PRKN: variants seen among roughly 807,000 people sequenced by gnomAD.
PRKN encodes the protein parkin RBR E3 ubiquitin protein ligase.
In PRKN, 56 loss-of-function variants were observed where a neutral mutation model predicts 59.5. That is an observed-to-expected ratio of 0.94 (90% CI 0.76 to 1.18). PRKN has a LOEUF of 1.18. Ranked by LOEUF, PRKN falls within the 50% of genes most tolerant of loss-of-function variation. The pLI is 0.00. For missense variants in PRKN, 657 were observed against 596.4 expected (o/e 1.10, Z -1.06); for synonymous variants, 250 against 222.1 (o/e 1.13, Z -1.12).
At position 161,551,641 on chromosome 6, in the gene PRKN, T is replaced by C. The variant is rs1780022990; in HGVS notation, c.934-2638A>G. ...GTGGAGTCATGGAGCCAAAAGCCTT[T>C]GGAGTGGAGTCCAGAAAGACTCGGA... On this transcript the variant is annotated intron_variant, in intron 8 of 11. Transcript: ENST00000366898. This position sits in a 1 kb window ranked among gnomAD's most constrained non-coding sequence, Gnocchi z 5.2. Among the ~76,000 whole-genome samples, 1 of 152,122 alleles carries C rather than the reference T, an allele frequency of 6.6e-6. No homozygotes were observed. Among genetic ancestry groups the C allele is most frequent in the African/African-American group, 2.4e-5 (1 of 41,418 alleles).
At chr6:161,590,572 A>G (rs1028573880) in intron 7 of PRKN, among the ~76,000 whole-genome samples, 1 of 152,084 alleles carries the variant, frequency 6.6e-6, no homozygotes, top group Non-Finnish European at 1.5e-5. Context: ...ATCTTTACTA[A>G]AAATACAAAA....
intron 7 of PRKN, among the ~76,000 whole-genome samples, chr6:161,609,222 A>G (rs529367692): frequency 6.6e-5 from 10 of 152,200 alleles, no homozygotes; most frequent in Non-Finnish European, 1.2e-4. Context: ...ATCTTAATCT[A>G]TTTTACTTTT....
intron 4 of PRKN, among the ~76,000 whole-genome samples, chr6:162,196,060 T>G (rs2128328344): frequency 6.6e-6 from 1 of 152,340 alleles, no homozygotes; most frequent in South Asian, 2.1e-4. Context: ...TCCCAGGGGC[T>G]TTGCTTTCTT....
intron 2 of PRKN, among the ~76,000 whole-genome samples, chr6:162,346,292 A>C (rs1784400886): frequency 6.6e-6 from 1 of 152,164 alleles, no homozygotes; most frequent in African/African-American, 2.4e-5. Flanking sequence ...TATTTTCCAC[A>C]GTTTTTAAAT....
chr6:161,571,512 T>C (rs1780888574), intron 7 of PRKN, among the ~76,000 whole-genome samples: 3 of 152,236 alleles, frequency 2.0e-5, no homozygotes. Flanking sequence ...CTCATTGCGA[T>C]ACAGATTAGA....
intron 7 of PRKN, among the ~76,000 whole-genome samples, chr6:161,652,040 C>T (rs1360592630): frequency 1.3e-5 from 2 of 152,328 alleles, no homozygotes; most frequent in Admixed American, 1.3e-4. Context: ...ATTTTCATCC[C>T]TCATCTTATT....
intron 7 of PRKN, among the ~76,000 whole-genome samples, chr6:161,609,944 C>A (rs146260350): frequency 5.9e-5 from 9 of 152,070 alleles, no homozygotes; most frequent in Admixed American, 1.3e-4. Context: ...TGAGACTGTT[C>A]CCCATAGTTT....
At chr6:161,870,487 T>A (rs1794299326) in intron 6 of PRKN, among the ~76,000 whole-genome samples, 1 of 152,212 alleles carries the variant, frequency 6.6e-6, no homozygotes, top group Non-Finnish European at 1.5e-5. Context: ...AATTATCTCA[T>A]GTTCTTCTTT....
chr6:162,188,925 A>C (rs930514408), intron 4 of PRKN, among the ~76,000 whole-genome samples: 9 of 152,176 alleles, frequency 5.9e-5, no homozygotes, highest in Admixed American at 3.9e-4. Context: ...TAGCAAAGTC[A>C]GATGACTACA....
chr6:162,477,752 A>G (rs1372455662), intron 1 of PRKN, among the ~76,000 whole-genome samples: 1 of 152,126 alleles, frequency 6.6e-6, no homozygotes, highest in Non-Finnish European at 1.5e-5. Context: ...GTCATGCTTC[A>G]TATTCTCCTG....
chr6:161,861,328 G>T (rs1793888139), intron 6 of PRKN, among the ~76,000 whole-genome samples: 1 of 152,094 alleles, frequency 6.6e-6, no homozygotes. Context: ...CACAGGAACA[G>T]AAAACCAAAC....
chr6:162,601,663 C>T (rs1452523573), intron 1 of PRKN, among the ~76,000 whole-genome samples: 1 of 152,018 alleles, frequency 6.6e-6, no homozygotes, highest in Non-Finnish European at 1.5e-5. Context: ...AACAATTGTA[C>T]TTTTCATATA....
intron 7 of PRKN, among the ~76,000 whole-genome samples, chr6:161,662,048 A>C (rs998435519): frequency 6.6e-6 from 1 of 152,158 alleles, no homozygotes; most frequent in Non-Finnish European, 1.5e-5. Flanking sequence ...AAAACCATGT[A>C]GTACAAGTAA....
intron 9 of PRKN, among the ~76,000 whole-genome samples, chr6:161,416,843 G>A (rs538890541): frequency 2.6e-5 from 4 of 152,268 alleles, no homozygotes; most frequent in African/African-American, 7.2e-5. Flanking sequence ...GGGCCTTGGC[G>A]TTTTGAAGAC....
rs1295128692 is a variant in PRKN at position 161,391,799 on chromosome 6, T to C, written c.1084-4922A>G. Among the ~76,000 whole-genome samples, 1 of 152,056 alleles carries C rather than the reference T, an allele frequency of 6.6e-6. No homozygotes were observed. Among genetic ancestry groups the C allele is most frequent in the Non-Finnish European group, 1.5e-5 (1 of 68,020 alleles). On this transcript the variant is annotated intron_variant, in intron 9 of 11. Coordinates refer to ENST00000366898, the MANE Select transcript of PRKN (RefSeq NM_004562.3). This position sits in a 1 kb window ranked among gnomAD's most constrained non-coding sequence, Gnocchi z 4.9. Reference sequence around the variant, plus strand: ...AGCCTTCCCTGAGGAAGAAGAGATTTCACCTGTGGACAGCAGCGTCAGGCT... The same window carrying C: ...AGCCTTCCCTGAGGAAGAAGAGATTCCACCTGTGGACAGCAGCGTCAGGCT...
chr6:161,437,180 C>T (rs1788952977), intron 9 of PRKN, among the ~76,000 whole-genome samples: 1 of 152,116 alleles, frequency 6.6e-6, no homozygotes, highest in African/African-American at 2.4e-5. Context: ...GTGCGAGGAC[C>T]ACGACACAAG....
chr6:162,073,890 A>C (rs1053689972), intron 4 of PRKN, among the ~76,000 whole-genome samples: 1 of 151,540 alleles, frequency 6.6e-6, no homozygotes, highest in Non-Finnish European at 1.5e-5. Context: ...TATCACAAGA[A>C]AAAAGTCACA....
At chr6:162,295,159 G>A (rs772342367) in intron 2 of PRKN, among the ~76,000 whole-genome samples, 2 of 152,182 alleles carry the variant, frequency 1.3e-5, no homozygotes, top group Non-Finnish European at 1.5e-5. Flanking sequence ...GGGCTTGTGC[G>A]TGACAACATC....
chr6:162,139,374 G>A lies in PRKN; in HGVS notation c.534+61757C>T, dbSNP rs78316402. ...AATATAAAGCCTTCCCTTGAAGAGC[G>A]GACAACTGTGGAAATATACAAAGAA... On this transcript the variant is annotated intron_variant, in intron 4 of 11. Coordinates refer to ENST00000366898, the MANE Select transcript of PRKN (RefSeq NM_004562.3). Among the ~76,000 whole-genome samples the A allele has an allele frequency of 6.6e-3, 999 of 152,200 alleles. 11 individuals are homozygous for A. Among genetic ancestry groups the A allele is most frequent in the African/African-American group, 0.022 (934 of 41,512 alleles).
Sources: gnomAD v4.1 joint callset for allele counts (sites outside exome capture counted in the v4.1 genomes callset) on GRCh38, gnomAD v4.1.1 for gene constraint, Gnocchi (gnomAD v3.1) non-coding constraint, MANE v1.5 for transcripts, NCBI Gene and HGNC (gene_info 2026-07-23, HGNC 2026-07-21) for gene names.